Variants in JMJD1C observed in about 807,000 individuals in gnomAD.
JMJD1C encodes the protein jumonji domain-containing protein 1C.
In JMJD1C, 31 loss-of-function variants were observed where a neutral mutation model predicts 245.3. The observed-to-expected ratio is 0.13, with a 90% confidence interval of 0.09 to 0.17. The LOEUF (loss-of-function observed/expected upper bound fraction) is 0.17, where lower values mean the gene tolerates loss of function less well. Among genes scored for constraint, JMJD1C ranks in the 10% least tolerant of loss-of-function variants. The pLI is 1.00. For missense variants in JMJD1C, 2,691 were observed against 3,000.2 expected (o/e 0.90, Z 2.41); for synonymous variants, 1,057 against 1,017.4 (o/e 1.04, Z -0.74).
chr10:63,500,310 C>A (rs1425848259), intron 1 of JMJD1C, among the ~76,000 whole-genome samples: 1 of 152,000 alleles, frequency 6.6e-6, no homozygotes, highest in East Asian at 1.9e-4. Flanking sequence ...GTAGTCCCAG[C>A]CACTTGGGAG....
At chr10:63,374,242 C>T (rs887447098) in intron 2 of JMJD1C, among the ~76,000 whole-genome samples, 9 of 152,034 alleles carry the variant, frequency 5.9e-5, no homozygotes, top group Non-Finnish European at 1.3e-4. Flanking sequence ...ACTAAAAATA[C>T]AAGTTGCTCA....
At chr10:63,342,103 A>C (rs192839929) in intron 2 of JMJD1C, among the ~76,000 whole-genome samples, 1 of 152,364 alleles carries the variant, frequency 6.6e-6, no homozygotes, top group East Asian at 1.9e-4. Flanking sequence ...ATCACTGTCC[A>C]TCAGTAAGCT....
intron 2 of JMJD1C, among the ~76,000 whole-genome samples, chr10:63,375,914 T>A (rs996098412): frequency 6.6e-6 from 1 of 151,858 alleles, no homozygotes; most frequent in African/African-American, 2.4e-5. Flanking sequence ...CCAAGTGACC[T>A]TTTTCTGGAG....
chr10:63,396,113 T>TA (rs1358682779), intron 1 of JMJD1C, among the ~76,000 whole-genome samples: 1 of 152,142 alleles, frequency 6.6e-6, no homozygotes, highest in East Asian at 1.9e-4. Flanking sequence ...AGAATTTATA[T>TA]AAAAAAGTTA....
chr10:63,410,590 C>A (rs899519812), intron 1 of JMJD1C, among the ~76,000 whole-genome samples: 14 of 152,150 alleles, frequency 9.2e-5, no homozygotes, highest in African/African-American at 3.4e-4. Flanking sequence ...GTCCTAACTT[C>A]TAAGCAAATA....
intron 3 of JMJD1C, among the ~76,000 whole-genome samples, chr10:63,254,859 C>G (rs775359187): frequency 1.6e-4 from 24 of 146,384 alleles, no homozygotes; most frequent in Non-Finnish European, 3.2e-4. Flanking sequence ...AGCTCCCCCC[C>G]TTTTTTTTTT....
At chr10:63,401,418 T>C (rs893988170) in intron 1 of JMJD1C, among the ~76,000 whole-genome samples, 8 of 152,162 alleles carry the variant, frequency 5.3e-5, no homozygotes, top group Admixed American at 5.2e-4. Context: ...CTGTACTTTT[T>C]GTTTTTGCTT....
At chr10:63,394,305 T>G (rs1201353982) in intron 1 of JMJD1C, among the ~76,000 whole-genome samples, 2 of 152,134 alleles carry the variant, frequency 1.3e-5, no homozygotes, top group African/African-American at 4.8e-5. Flanking sequence ...AATTGAATTT[T>G]TTTAAAAAAT....
chr10:63,370,710 A>G (rs1367648254), intron 2 of JMJD1C, among the ~76,000 whole-genome samples: 1 of 152,230 alleles, frequency 6.6e-6, no homozygotes, highest in East Asian at 1.9e-4. Flanking sequence ...TTAAGTGTTA[A>G]TTCTTTGTAT....
At chr10:63,454,001 G>A (rs1341452346) in intron 1 of JMJD1C, among the ~76,000 whole-genome samples, 1 of 152,148 alleles carries the variant, frequency 6.6e-6, no homozygotes, top group African/African-American at 2.4e-5. Flanking sequence ...GGGATTACAG[G>A]CTTGAGCCAC....
chr10:63,508,772 C>T (rs1207080571), intron 1 of JMJD1C, among the ~76,000 whole-genome samples: 3 of 152,102 alleles, frequency 2.0e-5, no homozygotes, highest in Non-Finnish European at 4.4e-5. Flanking sequence ...ATTTCAAATT[C>T]CACTTGTTCA....
chr10:63,272,958 G>A (rs1188128394), intron 2 of JMJD1C, among the ~76,000 whole-genome samples: 1 of 152,078 alleles, frequency 6.6e-6, no homozygotes, highest in Non-Finnish European at 1.5e-5. Context: ...TGCCTCAAAA[G>A]TCATACATTC....
chr10:63,434,137 A>C (rs1310631110), intron 1 of JMJD1C, among the ~76,000 whole-genome samples: 1 of 152,190 alleles, frequency 6.6e-6, no homozygotes, highest in African/African-American at 2.4e-5. Flanking sequence ...TGGGGCTAAC[A>C]TCTATTGGGT....
intron 24 of JMJD1C, among the ~76,000 whole-genome samples, chr10:63,173,077 A>T (rs1181665836): frequency 6.6e-6 from 1 of 151,958 alleles, no homozygotes; most frequent in Non-Finnish European, 1.5e-5. Flanking sequence ...GAAAAAAGGA[A>T]CTGGGGGAAA....
chr10:63,206,689 T>C lies in JMJD1C; in HGVS notation c.4980A>G (p.Arg1660=). The change falls in exon 10 of 26, where the codon AGA becomes AGG. Residue 1660 remains arginine (R), a synonymous_variant. Transcript: ENST00000399262. ...YKKKQNDLQK[R]KGEIEEDLKP... ...TCAAATCTTCTTCTATTTCACCTTT[T>C]CTCTTTTGCAAATCATTTTGCTTCT... is the stretch of plus-strand genomic sequence containing the variant. The C allele has an allele frequency of 6.2e-7, 1 of 1,613,856 alleles. No homozygotes were observed. The highest frequency in any genetic ancestry group is 1.1e-5 in the South Asian group (1 of 91,040).
intron 1 of JMJD1C, among the ~76,000 whole-genome samples, chr10:63,396,540 T>C (rs572572487): frequency 6.6e-6 from 1 of 152,234 alleles, no homozygotes; most frequent in African/African-American, 2.4e-5. Context: ...ACACAACAAA[T>C]CAGATGATAT....
intron 1 of JMJD1C, among the ~76,000 whole-genome samples, chr10:63,454,234 C>T (rs764905061): frequency 6.6e-6 from 1 of 151,084 alleles, no homozygotes; most frequent in Non-Finnish European, 1.5e-5. Flanking sequence ...AAAATGTGAT[C>T]GGAGCTCTAA....
chr10:63,237,726 G>A (rs1589245544), intron 3 of JMJD1C, among the ~76,000 whole-genome samples: 1 of 152,254 alleles, frequency 6.6e-6, no homozygotes, highest in Middle Eastern at 3.4e-3. Flanking sequence ...ACGCTTAGTA[G>A]TTGAGCACAC....
intron 22 of JMJD1C, among the ~76,000 whole-genome samples, chr10:63,179,185 G>A (rs979747271): frequency 3.9e-5 from 6 of 151,964 alleles, no homozygotes; most frequent in South Asian, 2.1e-4. Flanking sequence ...CGAGGCAGGC[G>A]GATCACCTGA....
Sources: allele counts gnomAD v4.1 joint callset (sites outside exome capture counted in the v4.1 genomes callset), GRCh38; gene constraint gnomAD v4.1.1; transcripts MANE v1.5; gene names NCBI Gene and HGNC (gene_info 2026-07-23, HGNC 2026-07-21).